Variants in AGBL4 observed in about 807,000 individuals in gnomAD.
AGBL4 encodes cytosolic carboxypeptidase 6.
AGBL4 carries 58 observed loss-of-function variants against 66.4 expected under a neutral mutation model. The ratio of observed to expected loss-of-function variants is 0.87; its 90% CI spans 0.71 to 1.09. The LOEUF is 1.09. Ranked by LOEUF, AGBL4 falls within the 50% of genes least tolerant of loss-of-function variation. The pLI is 0.00. For missense variants in AGBL4, 579 were observed against 631.0 expected (o/e 0.92, Z 0.88); for synonymous variants, 234 against 222.9 (o/e 1.05, Z -0.44).
chr1:48,924,279 TATAAATAAATAA>T (rs56391090), intron 5 of AGBL4, among the ~76,000 whole-genome samples: 4,116 of 148,580 alleles, frequency 0.028, 167 homozygotes, highest in African/African-American at 0.098. Flanking sequence ...GAATCTAAAA[TATAAATAAATAA>T]ATAAATAAAT....
chr1:49,223,809 C>T (rs1231300115), intron 4 of AGBL4, among the ~76,000 whole-genome samples: 1 of 152,184 alleles, frequency 6.6e-6, no homozygotes, highest in Non-Finnish European at 1.5e-5. Flanking sequence ...GGCAGTTTTA[C>T]ATCAGTTATT....
At chr1:49,961,641 G>C (rs1657128125) in intron 1 of AGBL4, among the ~76,000 whole-genome samples, 1 of 152,050 alleles carries the variant, frequency 6.6e-6, no homozygotes, top group African/African-American at 2.4e-5. Flanking sequence ...AAGATGCTTT[G>C]AATAGTTTAG....
chr1:49,919,940 C>T (rs1284958920), intron 1 of AGBL4, among the ~76,000 whole-genome samples: 1 of 152,172 alleles, frequency 6.6e-6, no homozygotes, highest in African/African-American at 2.4e-5. Flanking sequence ...TACCACACAT[C>T]TACAACTATC....
chr1:50,003,908 C>T (rs930411821), intron 1 of AGBL4, among the ~76,000 whole-genome samples: 1 of 152,064 alleles, frequency 6.6e-6, no homozygotes, highest in Non-Finnish European at 1.5e-5. Flanking sequence ...ATCATCCTTC[C>T]CACAGGAACA....
At chr1:49,052,591 G>C (rs1437411228) in intron 4 of AGBL4, among the ~76,000 whole-genome samples, 2 of 152,154 alleles carry the variant, frequency 1.3e-5, no homozygotes, top group Non-Finnish European at 2.9e-5. Flanking sequence ...ACATGAGGCA[G>C]TATTAGAATT....
At chr1:48,824,393 T>C (rs1255302344) in intron 6 of AGBL4, among the ~76,000 whole-genome samples, 1 of 152,098 alleles carries the variant, frequency 6.6e-6, no homozygotes, top group Non-Finnish European at 1.5e-5. Context: ...GGCACAGGAA[T>C]AGATAGGTTA....
At chr1:48,903,807 G>A (rs1465068236) in intron 5 of AGBL4, among the ~76,000 whole-genome samples, 1 of 152,180 alleles carries the variant, frequency 6.6e-6, no homozygotes, top group Non-Finnish European at 1.5e-5. Context: ...TTGCCTGTGT[G>A]TAAATTCTCA....
At chr1:49,971,432 G>C (rs976933780) in intron 1 of AGBL4, among the ~76,000 whole-genome samples, 2 of 152,046 alleles carry the variant, frequency 1.3e-5, no homozygotes, top group African/African-American at 4.8e-5. Flanking sequence ...AGTGATGCTG[G>C]TAATTCAGAT....
At chr1:49,248,866 T>G (rs1463306930) in intron 3 of AGBL4, among the ~76,000 whole-genome samples, 2 of 152,178 alleles carry the variant, frequency 1.3e-5, no homozygotes, top group Non-Finnish European at 2.9e-5. Flanking sequence ...AGATTTAAAT[T>G]TTTAACCTGA....
At chr1:48,616,962 C>T (rs1331330663) in intron 9 of AGBL4, among the ~76,000 whole-genome samples, 1 of 152,134 alleles carries the variant, frequency 6.6e-6, no homozygotes. Flanking sequence ...TGCTTCAGAG[C>T]AGGGACCATT....
At chr1:49,661,572 A>C (rs1025829908) in intron 3 of AGBL4, among the ~76,000 whole-genome samples, 1 of 152,154 alleles carries the variant, frequency 6.6e-6, no homozygotes, top group African/African-American at 2.4e-5. Flanking sequence ...GCCTCATCAG[A>C]AGCAAATGCT....
At chr1:49,790,401 AGCAAG>A (rs1644568954) in intron 2 of AGBL4, among the ~76,000 whole-genome samples, 1 of 151,768 alleles carries the variant, frequency 6.6e-6, no homozygotes, top group South Asian at 2.1e-4. Flanking sequence ...GTAAACCCCA[AGCAAG>A]GCAAGATAAA....
At chr1:49,200,349 C>A (rs1485693886) in intron 4 of AGBL4, among the ~76,000 whole-genome samples, 1 of 152,202 alleles carries the variant, frequency 6.6e-6, no homozygotes, top group Non-Finnish European at 1.5e-5. Flanking sequence ...TTGACAACAG[C>A]TGTCTAGGGG....
chr1:49,722,895 C>T (rs1459006753), intron 2 of AGBL4, among the ~76,000 whole-genome samples: 1 of 152,068 alleles, frequency 6.6e-6, no homozygotes, highest in Non-Finnish European at 1.5e-5. Flanking sequence ...AATTATCAGG[C>T]CCAGAGAGGT....
intron 5 of AGBL4, among the ~76,000 whole-genome samples, chr1:49,030,435 GC>G (rs1341741957): frequency 6.6e-6 from 1 of 152,048 alleles, no homozygotes; most frequent in Non-Finnish European, 1.5e-5. Context: ...TGTTGTTTAA[GC>G]CAGGGGTCCC....
chr1:49,008,317 G>C (rs868135555), intron 5 of AGBL4, among the ~76,000 whole-genome samples: 1 of 152,144 alleles, frequency 6.6e-6, no homozygotes, highest in African/African-American at 2.4e-5. Context: ...AATTCAACAA[G>C]AAGAGCTAAC....
At chr1:49,958,270 T>C (rs537954508) in intron 1 of AGBL4, among the ~76,000 whole-genome samples, 19 of 152,220 alleles carry the variant, frequency 1.2e-4, no homozygotes, top group African/African-American at 4.3e-4. Context: ...TAACCTGACC[T>C]TTCTCTCTGG....
intron 5 of AGBL4, among the ~76,000 whole-genome samples, chr1:48,938,684 T>C (rs1476765547): frequency 2.0e-5 from 3 of 152,206 alleles, no homozygotes; most frequent in Admixed American, 1.3e-4. Flanking sequence ...TTTGTATATG[T>C]ACGTAACTTT....
chr1:49,736,853 G>A (rs757431894), intron 2 of AGBL4, among the ~76,000 whole-genome samples: 2 of 151,816 alleles, frequency 1.3e-5, no homozygotes, highest in African/African-American at 2.4e-5. Context: ...ATGGGCAAAG[G>A]ACATGAACAG....
Sources: gnomAD v4.1 joint callset for allele counts (sites outside exome capture counted in the v4.1 genomes callset) on GRCh38, gnomAD v4.1.1 for gene constraint, MANE v1.5 for transcripts, NCBI Gene and HGNC (gene_info 2026-07-23, HGNC 2026-07-21) for gene names.